ZFHX3: variants seen among roughly 807,000 people sequenced by gnomAD.
ZFHX3 encodes the protein zinc finger homeobox protein 3.
In ZFHX3, 42 loss-of-function variants were observed where a neutral mutation model predicts 279.1. The observed-to-expected ratio is 0.15, with a 90% CI of 0.12 to 0.19. The LOEUF (loss-of-function observed/expected upper bound fraction) is 0.19, where lower values mean the gene tolerates loss of function less well. Among genes scored for constraint, ZFHX3 ranks in the 10% least tolerant of loss-of-function variants. The pLI is 1.00. For synonymous variants in ZFHX3, 2,293 were observed against 1,957.8 expected, an observed-to-expected ratio of 1.17 and a Z score of -4.52; for missense variants, 4,981 against 4,754.0, an observed-to-expected ratio of 1.05 and a Z score of -1.40.
intron 2 of ZFHX3, among the ~76,000 whole-genome samples, chr16:73,461,223 T>A: frequency 6.6e-6 from 1 of 152,214 alleles, no homozygotes; most frequent in East Asian, 1.9e-4. Flanking sequence ...TGTCTCTTCA[T>A]GACATTTGCC....
chr16:73,221,882 T>C (rs141838734), intron 5 of ZFHX3, among the ~76,000 whole-genome samples: 27 of 152,250 alleles, frequency 1.8e-4, no homozygotes, highest in Admixed American at 2.6e-4. Flanking sequence ...TTCCATACCT[T>C]TAAGTATCAC....
chr16:73,264,023 C>T (rs1325847287), intron 4 of ZFHX3, among the ~76,000 whole-genome samples: 2 of 152,114 alleles, frequency 1.3e-5, no homozygotes, highest in African/African-American at 2.4e-5. Context: ...ATAAATCAGC[C>T]AGGCGTGGTG....
chr16:73,312,494 G>T (rs1346412560), intron 4 of ZFHX3, among the ~76,000 whole-genome samples: 1 of 152,210 alleles, frequency 6.6e-6, no homozygotes, highest in Admixed American at 6.5e-5. Context: ...GTGTGTCAAG[G>T]TTGTTGCCGA....
At chr16:73,501,240 T>G (rs2019234121) in intron 2 of ZFHX3, among the ~76,000 whole-genome samples, 1 of 152,184 alleles carries the variant, frequency 6.6e-6, no homozygotes, top group Admixed American at 6.5e-5. Context: ...TCTAGATTTG[T>G]GTAAATACAC....
chr16:73,255,822 A>G (rs1357482923), intron 5 of ZFHX3, among the ~76,000 whole-genome samples: 1 of 152,214 alleles, frequency 6.6e-6, no homozygotes, highest in Non-Finnish European at 1.5e-5. Context: ...AACTGGATAC[A>G]GCATGGTCTG....
intron 1 of ZFHX3, among the ~76,000 whole-genome samples, chr16:72,967,161 CT>C (rs1170687832): frequency 5.3e-5 from 8 of 152,166 alleles, no homozygotes; most frequent in Non-Finnish European, 1.2e-4. Context: ...GAATCCATTC[CT>C]TTTCTTTTTT....
At chr16:73,201,194 G>A (rs1427200994) in intron 5 of ZFHX3, among the ~76,000 whole-genome samples, 1 of 152,046 alleles carries the variant, frequency 6.6e-6, no homozygotes, top group Non-Finnish European at 1.5e-5. Context: ...CATTGGCAAT[G>A]GGGGGGCTCT....
intron 1 of ZFHX3, among the ~76,000 whole-genome samples, chr16:73,716,666 C>G (rs1382172423): frequency 6.6e-6 from 1 of 151,596 alleles, no homozygotes; most frequent in Non-Finnish European, 1.5e-5. Flanking sequence ...CACGCACGCA[C>G]AGACCTAACC....
intron 5 of ZFHX3, among the ~76,000 whole-genome samples, chr16:73,188,598 G>T (rs1967964899): frequency 6.6e-6 from 1 of 152,192 alleles, no homozygotes. Flanking sequence ...CTATTGTGAA[G>T]TCACCTGCCC....
At chr16:73,874,646 A>G (rs1300658368) in intron 1 of ZFHX3, among the ~76,000 whole-genome samples, 1 of 152,164 alleles carries the variant, frequency 6.6e-6, no homozygotes, top group Non-Finnish European at 1.5e-5. Flanking sequence ...TACATTTGCT[A>G]TTACATCAAA....
intron 1 of ZFHX3, among the ~76,000 whole-genome samples, chr16:73,696,881 T>C (rs1597071074): frequency 6.6e-6 from 1 of 152,188 alleles, no homozygotes; most frequent in Non-Finnish European, 1.5e-5. Flanking sequence ...AATAAAGTGT[T>C]GATGAACTCC....
intron 5 of ZFHX3, among the ~76,000 whole-genome samples, chr16:73,251,697 A>AC (rs1467202268): frequency 2.8e-5 from 4 of 142,240 alleles, no homozygotes; most frequent in Admixed American, 1.4e-4. Context: ...CCACACACAC[A>AC]CATGCACACA....
At chr16:73,547,647 C>A (rs2020142537) in intron 2 of ZFHX3, among the ~76,000 whole-genome samples, 1 of 152,124 alleles carries the variant, frequency 6.6e-6, no homozygotes, top group South Asian at 2.1e-4. Context: ...ACAAGGTCGA[C>A]TCTGTGCTCT....
intron 1 of ZFHX3, among the ~76,000 whole-genome samples, chr16:72,994,543 CT>C (rs796795809): frequency 1.6e-4 from 24 of 152,344 alleles, no homozygotes; most frequent in African/African-American, 5.8e-4. Flanking sequence ...CCAAGGGGGC[CT>C]GGCTATGGCA....
At chr16:72,823,094 T>C (rs1226845965) in intron 5 of ZFHX3, among the ~76,000 whole-genome samples, 2 of 150,720 alleles carry the variant, frequency 1.3e-5, no homozygotes, top group Admixed American at 1.3e-4. Context: ...AAAAAAAGAG[T>C]GGGGAGTGAG....
chr16:73,530,245 G>C (rs1419228445), intron 2 of ZFHX3, among the ~76,000 whole-genome samples: 1 of 152,130 alleles, frequency 6.6e-6, no homozygotes, highest in Non-Finnish European at 1.5e-5. Context: ...TCACTACCAT[G>C]AGAACAGTAT....
At chr16:72,798,792 C>A in intron 8 of ZFHX3, 78 bp from the exon 9 acceptor site, 1 of 1,481,878 alleles carries the variant, frequency 6.7e-7, no homozygotes, top group South Asian at 1.4e-5. Context: ...AGCGGTCTAC[C>A]TAGTCAGGCC....
At chr16:73,772,000 T>C (rs2054023650) in intron 1 of ZFHX3, among the ~76,000 whole-genome samples, 1 of 152,204 alleles carries the variant, frequency 6.6e-6, no homozygotes, top group Non-Finnish European at 1.5e-5. Flanking sequence ...CATATCATTT[T>C]TGTGGCCTTT....
At chr16:73,550,830 C>T (rs779898353) in intron 2 of ZFHX3, among the ~76,000 whole-genome samples, 63 of 152,184 alleles carry the variant, frequency 4.1e-4, no homozygotes, top group African/African-American at 1.5e-3. Flanking sequence ...CCAGGGCAGT[C>T]TTCTGAAAGG....
Sources: gnomAD v4.1 joint callset for allele counts (sites outside exome capture counted in the v4.1 genomes callset) on GRCh38, gnomAD v4.1.1 for gene constraint, MANE v1.5 for transcripts, NCBI Gene and HGNC (gene_info 2026-07-23, HGNC 2026-07-21) for gene names.